The following FRMD5 variants were observed in gnomAD, a reference collection of about 807,000 sequenced individuals.
FRMD5 encodes FERM domain containing 5, also known as FERM domain-containing protein 5.
In FRMD5, 20 loss-of-function variants were observed where a neutral mutation model predicts 69.0. The observed-to-expected ratio is 0.29, with a 90% confidence interval of 0.20 to 0.42. The LOEUF is 0.42. Ranked by LOEUF, FRMD5 falls within the 10% of genes least tolerant of loss-of-function variation. The probability of loss-of-function intolerance (pLI) is 1.00; values close to 1 mark genes in which losing one functional copy is unlikely to be tolerated. For synonymous variants in FRMD5, 271 were observed against 260.1 expected, an observed-to-expected ratio of 1.04 and a Z score of -0.40; for missense variants, 595 against 708.6, an observed-to-expected ratio of 0.84 and a Z score of 1.82.
intron 1 of FRMD5, among the ~76,000 whole-genome samples, chr15:44,141,451 T>C (rs2077272802): frequency 1.3e-5 from 2 of 152,138 alleles, no homozygotes; most frequent in Non-Finnish European, 2.9e-5. Flanking sequence ...ATGGTGGCAC[T>C]ACAAATCAGG....
chr15:43,956,734 C>T (rs2090121758), intron 1 of FRMD5, among the ~76,000 whole-genome samples: 1 of 152,196 alleles, frequency 6.6e-6, no homozygotes, highest in Non-Finnish European at 1.5e-5. Context: ...TAAAGCTGCT[C>T]ATATGTACGT....
At chr15:43,948,124 G>C (rs939347259) in intron 1 of FRMD5, among the ~76,000 whole-genome samples, 2 of 152,216 alleles carry the variant, frequency 1.3e-5, no homozygotes, top group Non-Finnish European at 2.9e-5. Context: ...AAAGTACAGA[G>C]AAAGCAGGCA....
intron 1 of FRMD5, among the ~76,000 whole-genome samples, chr15:44,148,611 G>A (rs780230967): frequency 1.2e-4 from 18 of 151,948 alleles, no homozygotes; most frequent in Non-Finnish European, 2.1e-4. Context: ...TGGCAATCCT[G>A]TGTCAAGCAA....
At chr15:43,960,828 G>C (rs1296654651) in intron 1 of FRMD5, among the ~76,000 whole-genome samples, 1 of 152,126 alleles carries the variant, frequency 6.6e-6, no homozygotes, top group Non-Finnish European at 1.5e-5. Flanking sequence ...TAAAATCTGA[G>C]TCCCATTTTA....
rs1026413202 is a variant in FRMD5, at chr15:44,066,730, G to T, written c.102+128223C>A. On this transcript the variant is annotated intron_variant, in intron 1 of 13. Coordinates refer to ENST00000417257, the MANE Select transcript of FRMD5 (RefSeq NM_032892.5). Reference sequence around the variant, plus strand: ...TTACTTTGGGAAGATTCATCTGATAGAAAGTGTGTAAGAAGAGTCCAAGGG... The same window carrying T: ...TTACTTTGGGAAGATTCATCTGATATAAAGTGTGTAAGAAGAGTCCAAGGG... Among the ~76,000 whole-genome samples the T allele has an allele frequency of 2.6e-5, 4 of 152,178 alleles. No individual in the cohort carries two copies. In the East Asian group the frequency reaches 5.8e-4, roughly 22 times the overall value.
chr15:44,102,792 T>TA (rs2076658279), intron 1 of FRMD5, among the ~76,000 whole-genome samples: 2 of 152,182 alleles, frequency 1.3e-5, no homozygotes, highest in African/African-American at 4.8e-5. Context: ...GGGAATCACT[T>TA]AGACAAGCAA....
At chr15:44,115,041 C>T (rs763696480) in intron 1 of FRMD5, among the ~76,000 whole-genome samples, 2 of 152,096 alleles carry the variant, frequency 1.3e-5, no homozygotes, top group African/African-American at 4.8e-5. Flanking sequence ...AATTAATTCA[C>T]TTTTTAAAAA....
intron 1 of FRMD5, among the ~76,000 whole-genome samples, chr15:44,005,667 G>A (rs897367061): frequency 1.3e-5 from 2 of 152,032 alleles, no homozygotes; most frequent in South Asian, 2.1e-4. Flanking sequence ...GCCGGAGCAC[G>A]AGGAAAAGAG....
intron 1 of FRMD5, among the ~76,000 whole-genome samples, chr15:44,184,218 T>C (rs1431707708): frequency 6.6e-6 from 1 of 152,182 alleles, no homozygotes; most frequent in Non-Finnish European, 1.5e-5. Context: ...CCATCATGTC[T>C]ACCCATTCCT....
rs565468695 is a variant in FRMD5 at position 43,969,308 on chromosome 15, C to T, written c.103-44999G>A. ...TGTGGCCCAGCCTTGTCTCACACTC[C>T]TGGGCTCAAGCGATCCTCCCACCTC... is the stretch of plus-strand genomic sequence containing the variant. On this transcript the variant is annotated intron_variant, in intron 1 of 13. Transcript: ENST00000417257. Among the ~76,000 whole-genome samples, 10 of 152,198 alleles carry T rather than the reference C, an allele frequency of 6.6e-5. No homozygotes were observed. The South Asian group carries it at 2.1e-3, about 32-fold the overall frequency.
intron 1 of FRMD5, among the ~76,000 whole-genome samples, chr15:44,048,917 C>G (rs1892543543): frequency 6.6e-6 from 1 of 152,130 alleles, no homozygotes; most frequent in Admixed American, 6.6e-5. Flanking sequence ...TGAATATAAT[C>G]ATATACCTAG....
At chr15:44,037,151 C>T (rs1254858276) in intron 1 of FRMD5, among the ~76,000 whole-genome samples, 10 of 152,116 alleles carry the variant, frequency 6.6e-5, no homozygotes, top group African/African-American at 1.7e-4. Context: ...CCCCAACCCC[C>T]GACAGGCCCT....
chr15:43,890,505 G>A (rs2088768812), intron 8 of FRMD5, among the ~76,000 whole-genome samples: 1 of 152,194 alleles, frequency 6.6e-6, no homozygotes. Flanking sequence ...GTTGGAATGT[G>A]GATCTGGGCC....
At chr15:43,967,522 C>T (rs2090313825) in intron 1 of FRMD5, among the ~76,000 whole-genome samples, 1 of 152,120 alleles carries the variant, frequency 6.6e-6, no homozygotes, top group Non-Finnish European at 1.5e-5. Flanking sequence ...TGAGCCACCG[C>T]ACCCAGACCA....
At chr15:43,878,691 C>CCCTTTCAAAGG (rs2088434330) in intron 13 of FRMD5, among the ~76,000 whole-genome samples, 2 of 152,304 alleles carry the variant, frequency 1.3e-5, no homozygotes, top group Admixed American at 1.3e-4. Flanking sequence ...GCGCCTGCCA[C>CCCTTTCAAAGG]CCTTTCAAAG....
At chr15:43,903,712 G>A (rs1566824987) in intron 6 of FRMD5, among the ~76,000 whole-genome samples, 1 of 152,222 alleles carries the variant, frequency 6.6e-6, no homozygotes, top group East Asian at 1.9e-4. Context: ...TCCTCTGTCT[G>A]CAGGGGGAGT....
chr15:43,885,611 A>C, intron 11 of FRMD5, 70 bp downstream of exon 11: 1 of 1,295,920 alleles, frequency 7.7e-7, no homozygotes, highest in Non-Finnish European at 1.1e-6. Context: ...CTAAAGGATA[A>C]GGACCACTGA....
chr15:44,027,759 C>T (rs1000868912), intron 1 of FRMD5, among the ~76,000 whole-genome samples: 5 of 151,442 alleles, frequency 3.3e-5, no homozygotes, highest in Non-Finnish European at 7.4e-5. Flanking sequence ...ATTCTCTTGC[C>T]TCAGCCTCCC....
chr15:43,928,328 T>G (rs1239988401), intron 1 of FRMD5, among the ~76,000 whole-genome samples: 1 of 152,054 alleles, frequency 6.6e-6, no homozygotes, highest in African/African-American at 2.4e-5. Context: ...AGGAAAGAGG[T>G]AGACATAGAA....
Sources: gnomAD v4.1 joint callset for allele counts (sites outside exome capture counted in the v4.1 genomes callset) on GRCh38, gnomAD v4.1.1 for gene constraint, MANE v1.5 for transcripts, NCBI Gene and HGNC (gene_info 2026-07-23, HGNC 2026-07-21) for gene names.